The following EPHA3 variants were observed in gnomAD, a reference collection of about 807,000 sequenced individuals.
EPHA3 encodes ephrin type-A receptor 3.
A neutral mutation model predicts 107.1 loss-of-function variants in EPHA3; 42 were observed. The ratio of observed to expected loss-of-function variants is 0.39; its 90% CI spans 0.31 to 0.51. The LOEUF (loss-of-function observed/expected upper bound fraction) is 0.51, where lower values mean the gene tolerates loss of function less well. Among genes scored for constraint, EPHA3 ranks in the 20% least tolerant of loss-of-function variants. The probability of loss-of-function intolerance (pLI) is 0.78; values close to 1 mark genes in which losing one functional copy is unlikely to be tolerated. For synonymous variants in EPHA3, 461 were observed against 424.8 expected (o/e 1.09, Z -1.05); for missense variants, 1,183 against 1,211.2 (o/e 0.98, Z 0.35).
chr3:89,415,917 A>C (rs1385202972), intron 10 of EPHA3, among the ~76,000 whole-genome samples: 1 of 151,550 alleles, frequency 6.6e-6, no homozygotes, highest in Non-Finnish European at 1.5e-5. Context: ...TATACTTTCC[A>C]AATTTAAAGC....
intron 3 of EPHA3, among the ~76,000 whole-genome samples, chr3:89,299,546 C>G (rs1433353539): frequency 6.6e-6 from 1 of 151,890 alleles, no homozygotes; most frequent in Non-Finnish European, 1.5e-5. Flanking sequence ...GCAATAAGTG[C>G]CAGCACTATT....
intron 16 of EPHA3, 130 bp downstream of exon 16, chr3:89,472,749 C>A (rs113389292): frequency 2.7e-5 from 29 of 1,061,118 alleles, no homozygotes; most frequent in African/African-American, 2.1e-4. Flanking sequence ...TACTGACTAC[C>A]GCCTGGAACT....
intron 1 of EPHA3, among the ~76,000 whole-genome samples, chr3:89,111,287 T>G (rs1707099522): frequency 6.6e-6 from 1 of 152,024 alleles, no homozygotes; most frequent in Non-Finnish European, 1.5e-5. Context: ...TACAATAAAT[T>G]GGCATCACTT....
chr3:89,432,244 T>C (rs1260877697), intron 13 of EPHA3, among the ~76,000 whole-genome samples: 1 of 152,194 alleles, frequency 6.6e-6, no homozygotes, highest in Non-Finnish European at 1.5e-5. Context: ...TTTACTACAC[T>C]CTTGATAAAA....
intron 3 of EPHA3, among the ~76,000 whole-genome samples, chr3:89,282,926 T>C (rs1414078322): frequency 1.3e-5 from 2 of 152,150 alleles, no homozygotes; most frequent in African/African-American, 4.8e-5. Context: ...GCTTTGCCTT[T>C]ATTTCGTTGT....
chr3:89,429,339 T>C (rs1408624877), intron 12 of EPHA3, among the ~76,000 whole-genome samples, 172 bp downstream of exon 12: 1 of 152,172 alleles, frequency 6.6e-6, no homozygotes, highest in Non-Finnish European at 1.5e-5. Flanking sequence ...TTTTGCAGCA[T>C]TCAAATGTTA....
intron 11 of EPHA3, among the ~76,000 whole-genome samples, chr3:89,422,238 G>A (rs1285573258): frequency 6.8e-6 from 1 of 146,120 alleles, no homozygotes; most frequent in Non-Finnish European, 1.5e-5. Context: ...CACACAGAGC[G>A]ATTGTGTTTC....
intron 3 of EPHA3, among the ~76,000 whole-genome samples, chr3:89,316,467 C>T (rs1288436073): frequency 1.4e-5 from 2 of 139,844 alleles, no homozygotes; most frequent in Non-Finnish European, 3.1e-5. Flanking sequence ...AGAGTATACA[C>T]TGTATATATA....
Position 89,154,958 on chromosome 3 carries a change from T to C in EPHA3, c.153+27685T>C, listed in dbSNP as rs551624395. On this transcript the variant is annotated intron_variant, in intron 2 of 16. Transcript: ENST00000336596. ...TCCACTATTATAACCATTAGAAACATAATTCTGTTTAAAAGTTTCAAACTT... is the reference window on the plus strand; with the variant it reads ...TCCACTATTATAACCATTAGAAACACAATTCTGTTTAAAAGTTTCAAACTT... 4.0e-5 allele frequency among the ~76,000 whole-genome samples: 6 copies of C among 149,728 alleles called. No individual in the cohort carries two copies. The South Asian group carries it at 1.3e-3, about 31-fold the overall frequency.
At chr3:89,363,610 C>G (rs1317601045) in intron 5 of EPHA3, among the ~76,000 whole-genome samples, 1 of 150,566 alleles carries the variant, frequency 6.6e-6, no homozygotes, top group African/African-American at 2.4e-5. Context: ...GGTGTTTGAC[C>G]AAATATCTGA....
intron 3 of EPHA3, among the ~76,000 whole-genome samples, chr3:89,324,297 A>G (rs1707115200): frequency 6.6e-6 from 1 of 151,346 alleles, no homozygotes. Flanking sequence ...CCTCCCAAGT[A>G]GCTGGGATTA....
chr3:89,340,701 T>G (rs1392311877), intron 3 of EPHA3, among the ~76,000 whole-genome samples: 1 of 152,220 alleles, frequency 6.6e-6, no homozygotes, highest in Non-Finnish European at 1.5e-5. Flanking sequence ...AATCTAAATC[T>G]TGTGTGTGTG....
intron 5 of EPHA3, among the ~76,000 whole-genome samples, chr3:89,369,937 CA>C (rs1708260578): frequency 6.6e-6 from 1 of 150,700 alleles, no homozygotes; most frequent in African/African-American, 2.4e-5. Context: ...CAGAGAAATG[CA>C]AATCAAAACC....
At chr3:89,353,603 G>C (rs1707880978) in intron 5 of EPHA3, among the ~76,000 whole-genome samples, 1 of 151,264 alleles carries the variant, frequency 6.6e-6, no homozygotes, top group South Asian at 2.1e-4. Flanking sequence ...CTGTGCATCT[G>C]GGAATGTCAC....
intron 2 of EPHA3, among the ~76,000 whole-genome samples, chr3:89,175,899 T>A (rs888628957): frequency 2.1e-4 from 32 of 152,164 alleles, no homozygotes; most frequent in African/African-American, 7.0e-4. Context: ...CTGATTAGAG[T>A]TATTCTGTTG....
intron 2 of EPHA3, among the ~76,000 whole-genome samples, chr3:89,137,790 T>TA (rs1267785178): frequency 2.0e-5 from 3 of 152,080 alleles, no homozygotes; most frequent in Non-Finnish European, 4.4e-5. Flanking sequence ...CTGATATACT[T>TA]AAAATCATAT....
chr3:89,145,880 G>A (rs1457728420), intron 2 of EPHA3, among the ~76,000 whole-genome samples: 2 of 151,272 alleles, frequency 1.3e-5, no homozygotes, highest in Non-Finnish European at 3.0e-5. Flanking sequence ...AATATCTTTG[G>A]CTTTAAAATA....
chr3:89,173,075 A>G (rs1277107108), intron 2 of EPHA3, among the ~76,000 whole-genome samples: 3 of 152,136 alleles, frequency 2.0e-5, no homozygotes, highest in African/African-American at 7.2e-5. Flanking sequence ...GTACATAGGT[A>G]GAGATAGATA....
chr3:89,168,193 G>A (rs1705122166), intron 2 of EPHA3, among the ~76,000 whole-genome samples: 2 of 152,130 alleles, frequency 1.3e-5, no homozygotes, highest in South Asian at 4.1e-4. Context: ...TTTTTGGCTT[G>A]CCTGATTTGT....
Sources: allele counts gnomAD v4.1 joint callset (sites outside exome capture counted in the v4.1 genomes callset), GRCh38; gene constraint gnomAD v4.1.1; transcripts MANE v1.5; gene names NCBI Gene and HGNC (gene_info 2026-07-23, HGNC 2026-07-21).